RMDN2: variants seen among roughly 807,000 people sequenced by gnomAD.
The protein encoded by RMDN2 is regulator of microtubule dynamics protein 2.
A neutral mutation model predicts 52.8 loss-of-function variants in RMDN2; 61 were observed. That is an observed-to-expected ratio of 1.16 (90% CI 0.94 to 1.43). RMDN2 has a LOEUF of 1.43. Ranked by LOEUF, RMDN2 falls within the 40% of genes most tolerant of loss-of-function variation. The pLI is 0.00. For missense variants in RMDN2, 592 were observed against 475.3 expected (o/e 1.25, Z -2.28); for synonymous variants, 180 against 153.1 (o/e 1.18, Z -1.30).
intron 10 of RMDN2, among the ~76,000 whole-genome samples, chr2:38,013,141 T>TA (rs1193451403): frequency 2.0e-5 from 3 of 152,316 alleles, no homozygotes; most frequent in Non-Finnish European, 4.4e-5. Flanking sequence ...ATTTCTTTTT[T>TA]AAAAAAGGGA....
chr2:38,026,595 T>C (rs568442737), intron 10 of RMDN2, among the ~76,000 whole-genome samples: 1 of 152,242 alleles, frequency 6.6e-6, no homozygotes, highest in South Asian at 2.1e-4. Flanking sequence ...CTTTACTTGT[T>C]TTCTCTTTTT....
chr2:37,951,021 AC>A (rs1322235693), intron 2 of RMDN2, among the ~76,000 whole-genome samples: 1 of 151,984 alleles, frequency 6.6e-6, no homozygotes, highest in Non-Finnish European at 1.5e-5. Flanking sequence ...GGTAGAGATA[AC>A]CTCTTAGACT....
chr2:38,018,737 A>G (rs1196752924), downstream of RMDN2, among the ~76,000 whole-genome samples: 2 of 152,086 alleles, frequency 1.3e-5, no homozygotes, highest in African/African-American at 4.8e-5. Context: ...CCCAGTTTTT[A>G]ATAATAAATA....
chr2:37,929,652 A>T lies in RMDN2; in HGVS notation c.375A>T (p.Arg125Ser). The change falls in exon 2 of 11, where the codon AGA (arginine) becomes AGT (serine). Residue 125 changes from arginine (R) to serine (S), a missense_variant. Coordinates refer to ENST00000354545, the MANE Select transcript of RMDN2 (RefSeq NM_001170791.3). ...ITVHKISPQH[R>S]ARKRRLPTIQ... ...TTCATAAGATAAGCCCTCAGCACAG[A>T]GCGAGAAAAAGAAGACTCCCCACAA... 37 of 1,544,492 alleles carry T rather than the reference A, an allele frequency of 2.4e-5. No homozygotes were observed. Among genetic ancestry groups the T allele is most frequent in the Non-Finnish European group, 3.2e-5 (37 of 1,145,372 alleles).
chr2:38,006,533 G>C (rs1432473028), intron 10 of RMDN2, among the ~76,000 whole-genome samples: 1 of 152,154 alleles, frequency 6.6e-6, no homozygotes, highest in African/African-American at 2.4e-5. Flanking sequence ...AAGAATGCTT[G>C]TGATTTTTGC....
chr2:37,929,660 A>AAAG lies in RMDN2; in HGVS notation c.388_390dup (p.Arg130dup), dbSNP rs1431408163. On this transcript the variant is annotated inframe_insertion, in exon 2 of 11. Coordinates refer to ENST00000354545, the MANE Select transcript of RMDN2 (RefSeq NM_001170791.3). ...ATAAGCCCTCAGCACAGAGCGAGAA[A>AAAG]AAGAAGACTCCCCACAATTCAAAGT... 3 of 1,541,594 alleles carry AAAG rather than the reference A, an allele frequency of 1.9e-6. No individual in the cohort carries two copies. Among genetic ancestry groups the AAAG allele is most frequent in the Non-Finnish European group, 2.6e-6 (3 of 1,144,664 alleles).
At chr2:37,925,245 G>A (rs1666168372), upstream of RMDN2, 3 of 152,396 alleles carry the variant, frequency 2.0e-5, no homozygotes, top group Admixed American at 2.0e-4. Context: ...GGCGGGAGCG[G>A]GGGGCCGAGC....
rs187302002 is a variant in RMDN2, at chr2:38,027,563, G to A, written c.1713+23347G>A. Among the ~76,000 whole-genome samples the A allele has an allele frequency of 2.9e-4, 44 of 151,976 alleles. No individual in the cohort carries two copies. In the East Asian group the frequency reaches 5.6e-3, roughly 19 times the overall value. On this transcript the variant is annotated intron_variant, in intron 10 of 10. Transcript: ENST00000234195. ...TATAATGTTTCAAATGCTTCCACTC[G>A]ATAAAATAAAGCAAATTGACATACT...
intron 2 of RMDN2, among the ~76,000 whole-genome samples, chr2:37,959,740 T>G (rs1263788923): frequency 6.6e-6 from 1 of 150,986 alleles, no homozygotes; most frequent in East Asian, 1.9e-4. Flanking sequence ...AATTGTGATG[T>G]TAGGGTGTCA....
At position 37,929,539 on chromosome 2, in the gene RMDN2, G is replaced by T. The variant is rs1258368534; in HGVS notation, c.262G>T (p.Glu88Ter). The T allele has an allele frequency of 1.9e-6, 3 of 1,551,708 alleles. No individual in the cohort carries two copies. The highest frequency in any genetic ancestry group is 2.6e-6 in the Non-Finnish European group (3 of 1,146,944). The change falls in exon 2 of 11, where the codon GAA becomes TAA. Residue 88 changes from glutamate (E) to a stop codon, truncating the protein, a stop_gained. Coordinates refer to ENST00000354545, the MANE Select transcript of RMDN2 (RefSeq NM_001170791.3). LOFTEE classifies it high-confidence loss of function. ...AAACGAATTACTGACAAATATGGAA[G>T]AACTCAAAGAGGAAATCAGATTTCT... ...KLNELLTNMEELKEEIRFLKE... is the reference protein window; with the variant it reads ...KLNELLTNME
In RMDN2 at chr2:37,978,455, A is replaced by G. The variant is rs114489355; in HGVS notation, c.731-2828A>G. ...ATGTTTTCAGGCTACAGGGGAGCTT[A>G]TGGCTTTGTAGGGGAGGCAGCACTA... On this transcript the variant is annotated intron_variant, in intron 4 of 10. Coordinates refer to ENST00000354545, the MANE Select transcript of RMDN2 (RefSeq NM_001170791.3). Among the ~76,000 whole-genome samples the G allele has an allele frequency of 9.0e-3, 1,367 of 152,304 alleles. 24 individuals carry two copies. The highest frequency in any genetic ancestry group is 0.031 in the African/African-American group (1,280 of 41,564).
chr2:37,939,441 A>G (rs1214019275), intron 2 of RMDN2, among the ~76,000 whole-genome samples: 1 of 152,164 alleles, frequency 6.6e-6, no homozygotes, highest in Non-Finnish European at 1.5e-5. Flanking sequence ...AGTCCTGAAT[A>G]TCCTTGTTAA....
chr2:37,921,525 T>C (rs560552802), upstream of RMDN2, among the ~76,000 whole-genome samples: 1 of 152,332 alleles, frequency 6.6e-6, no homozygotes, highest in South Asian at 2.1e-4. Flanking sequence ...ATGGGGCAAA[T>C]GATCAGATTT....
intron 2 of RMDN2, among the ~76,000 whole-genome samples, chr2:37,933,426 G>A (rs2124903142): frequency 6.6e-6 from 1 of 152,354 alleles, no homozygotes; most frequent in East Asian, 1.9e-4. Context: ...CAGGCGGCTG[G>A]GAGGTGGAGG....
At chr2:37,943,179 G>A (rs182738066) in intron 2 of RMDN2, among the ~76,000 whole-genome samples, 164 of 152,314 alleles carry the variant, frequency 1.1e-3, no homozygotes, top group African/African-American at 3.7e-3. Flanking sequence ...GGATGCCATT[G>A]CTCAAGCACA....
intron 10 of RMDN2, among the ~76,000 whole-genome samples, chr2:38,059,027 G>A (rs995568522): frequency 6.6e-6 from 1 of 152,082 alleles, no homozygotes; most frequent in Non-Finnish European, 1.5e-5. Context: ...GTTACCAATT[G>A]AATAAAAGTA....
intron 10 of RMDN2, among the ~76,000 whole-genome samples, chr2:38,015,447 C>T (rs1215359438): frequency 6.6e-6 from 1 of 152,032 alleles, no homozygotes; most frequent in Non-Finnish European, 1.5e-5. Flanking sequence ...TGCCTGTAGC[C>T]CCAGCTACTC....
At chr2:37,937,967 C>T (rs1014468358) in intron 2 of RMDN2, among the ~76,000 whole-genome samples, 14 of 152,014 alleles carry the variant, frequency 9.2e-5, no homozygotes, top group Non-Finnish European at 1.3e-4. Flanking sequence ...TGTCTTGTGC[C>T]GGTTTTTAAA....
At chr2:37,989,010 C>A (rs1243438065) in intron 5 of RMDN2, among the ~76,000 whole-genome samples, 3 of 151,982 alleles carry the variant, frequency 2.0e-5, no homozygotes, top group Non-Finnish European at 4.4e-5. Context: ...CTAAAATTAC[C>A]TTTGATTTTG....
Sources: allele counts gnomAD v4.1 joint callset (sites outside exome capture counted in the v4.1 genomes callset), GRCh38; gene constraint gnomAD v4.1.1; transcripts MANE v1.5; gene names NCBI Gene and HGNC (gene_info 2026-07-23, HGNC 2026-07-21).